The following DMD variants were observed in gnomAD, a reference collection of about 807,000 sequenced individuals.
DMD encodes mutant dystrophin.
Under a neutral mutation model 330.1 loss-of-function variants are expected in DMD, and 63 were observed. The observed-to-expected ratio is 0.19, with a 90% confidence interval of 0.16 to 0.24. The LOEUF is 0.24. Among genes scored for constraint, DMD ranks in the 10% least tolerant of loss-of-function variants. DMD has a pLI of 1.00. For missense variants in DMD, 3,344 were observed against 2,684.1 expected (o/e 1.25, Z -5.43); for synonymous variants, 1,223 against 959.8 (o/e 1.27, Z -5.07).
intron 50 of DMD, among the ~76,000 whole-genome samples, chrX:31,814,427 G>C (rs1358541873): frequency 1.1e-5 from 1 of 88,317 alleles, no homozygotes; most frequent in Non-Finnish European, 2.1e-5. Context: ...AGCTTGCAGT[G>C]AGCCGAGATC....
chrX:31,245,789 G>A lies in DMD; in HGVS notation c.9286+15166C>T, dbSNP rs371165125. Among the ~76,000 whole-genome samples the A allele has an allele frequency of 7.0e-3, 781 of 111,404 alleles. 9 individuals are homozygous for A. The highest frequency in any genetic ancestry group is 0.024 in the African/African-American group (734 of 30,611). On this transcript the variant is annotated intron_variant, in intron 63 of 78. Coordinates refer to ENST00000357033, the MANE Select transcript of DMD (RefSeq NM_004006.3). ...AACTTAATTGATCAACGTCATACGT[G>A]TTCTGACTGCTCCACCGACCAGCTG...
intron 18 of DMD, among the ~76,000 whole-genome samples, chrX:32,513,905 G>C (rs999661693): frequency 2.7e-5 from 3 of 110,883 alleles, no homozygotes; most frequent in African/African-American, 1.0e-4. Context: ...AATTAATCAG[G>C]AGAAAGCAGT....
intron 1 of DMD, among the ~76,000 whole-genome samples, chrX:33,316,389 T>C (rs1238852601): frequency 9.0e-6 from 1 of 111,306 alleles, no homozygotes; most frequent in African/African-American, 3.3e-5. Context: ...TATATACCCA[T>C]AGATGGAAAT....
chrX:31,338,943 C>CAAAAAAAA (rs151110457), intron 61 of DMD, among the ~76,000 whole-genome samples: 3 of 64,169 alleles, frequency 4.7e-5, no homozygotes, highest in Non-Finnish European at 5.8e-5. Flanking sequence ...CATCTATGCA[C>CAAAAAAAA]AAAAAAAAAA....
intron 78 of DMD, among the ~76,000 whole-genome samples, chrX:31,124,998 T>A (rs2033429591): frequency 9.0e-6 from 1 of 111,415 alleles, no homozygotes; most frequent in Admixed American, 9.6e-5. Flanking sequence ...TTAAAAAAGG[T>A]CATTATTGTT....
intron 2 of DMD, among the ~76,000 whole-genome samples, chrX:33,011,768 T>C (rs932563126): frequency 1.4e-4 from 16 of 111,870 alleles, no homozygotes; most frequent in African/African-American, 5.2e-4. Context: ...ATTGTTCTTT[T>C]CTAAATAAAA....
intron 62 of DMD, among the ~76,000 whole-genome samples, chrX:31,314,805 C>T (rs1450964416): frequency 1.6e-5 from 1 of 64,247 alleles, no homozygotes; most frequent in Admixed American, 1.8e-4. Context: ...AACATTTTTC[C>T]TGAAGAAAGT....
intron 19 of DMD, among the ~76,000 whole-genome samples, chrX:32,492,450 A>G (rs1488457067): frequency 8.9e-6 from 1 of 112,677 alleles, no homozygotes; most frequent in Non-Finnish European, 1.9e-5. Context: ...TTTTAAAATC[A>G]TCTGTAGTAA....
chrX:32,740,585 T>C (rs1289938747), intron 7 of DMD, among the ~76,000 whole-genome samples: 1 of 111,737 alleles, frequency 8.9e-6, no homozygotes, highest in Non-Finnish European at 1.9e-5. Context: ...TATTATTATT[T>C]AAGCATTATA....
chrX:31,227,211 C>T (rs2046697179), intron 63 of DMD, among the ~76,000 whole-genome samples: 1 of 110,849 alleles, frequency 9.0e-6, no homozygotes, highest in Non-Finnish European at 1.9e-5. Context: ...TAAATGAGGT[C>T]ACAAGCTCCA....
intron 20 of DMD, among the ~76,000 whole-genome samples, chrX:32,485,806 C>T (rs1479240592): frequency 1.6e-4 from 14 of 88,578 alleles, no homozygotes; most frequent in African/African-American, 1.7e-4. Context: ...TGCAATGACG[C>T]GATCTTGGCC....
intron 42 of DMD, among the ~76,000 whole-genome samples, chrX:32,296,757 A>G (rs2097498371): frequency 8.9e-6 from 1 of 112,195 alleles, no homozygotes; most frequent in Admixed American, 9.4e-5. Context: ...ATAAAATTTC[A>G]AATGTATAAA....
At chrX:31,578,059 G>C (rs2076185396) in intron 55 of DMD, among the ~76,000 whole-genome samples, 1 of 111,243 alleles carries the variant, frequency 9.0e-6, no homozygotes, top group African/African-American at 3.3e-5. Flanking sequence ...ACATCAACCA[G>C]AGAGACTCCC....
intron 78 of DMD, among the ~76,000 whole-genome samples, chrX:31,122,438 T>TATCA (rs747751741): frequency 3.8e-4 from 42 of 111,062 alleles, no homozygotes; most frequent in Admixed American, 3.2e-3. Context: ...TCGTCACCAT[T>TATCA]ATCACTGCCA....
At chrX:31,611,428 G>A (rs1171792865) in intron 55 of DMD, among the ~76,000 whole-genome samples, 1 of 111,045 alleles carries the variant, frequency 9.0e-6, no homozygotes, top group African/African-American at 3.3e-5. Flanking sequence ...AAGATATTTT[G>A]CACTCTCTAA....
chrX:31,800,437 A>C (rs181776076), intron 50 of DMD, among the ~76,000 whole-genome samples: 1 of 112,330 alleles, frequency 8.9e-6, no homozygotes, highest in East Asian at 2.8e-4. Flanking sequence ...GCTGGTATGC[A>C]GGGCACGAAG....
chrX:32,953,625 A>C (rs1221144771), intron 2 of DMD, among the ~76,000 whole-genome samples: 1 of 112,055 alleles, frequency 8.9e-6, no homozygotes, highest in Non-Finnish European at 1.9e-5. Flanking sequence ...CCAACAAATC[A>C]ATACAGAAAT....
At chrX:33,337,888 T>C (rs956295518) in intron 1 of DMD, among the ~76,000 whole-genome samples, 2 of 111,834 alleles carry the variant, frequency 1.8e-5, no homozygotes, top group Admixed American at 1.9e-4. Flanking sequence ...TTACAATTAC[T>C]ACAGAAAAGG....
chrX:31,374,497 A>C (rs1467193250), intron 60 of DMD, among the ~76,000 whole-genome samples: 1 of 109,624 alleles, frequency 9.1e-6, no homozygotes, highest in African/African-American at 3.3e-5. Context: ...CAGCCATAAA[A>C]AATGATGAGT....
Sources: gnomAD v4.1 joint callset for allele counts (sites outside exome capture counted in the v4.1 genomes callset) on GRCh38, gnomAD v4.1.1 for gene constraint, MANE v1.5 for transcripts, NCBI Gene and HGNC (gene_info 2026-07-23, HGNC 2026-07-21) for gene names.